Variants in CLTCL1 observed in about 807,000 individuals in gnomAD.
CLTCL1 encodes the protein clathrin heavy chain 2.
CLTCL1 carries 159 observed loss-of-function variants against 190.0 expected under a neutral mutation model. That is an observed-to-expected ratio of 0.84 (90% CI 0.74 to 0.95). The LOEUF is 0.95. Ranked by LOEUF, CLTCL1 falls within the 40% of genes least tolerant of loss-of-function variation. CLTCL1 has a pLI of 0.00. For missense variants in CLTCL1, 1,878 were observed against 2,033.4 expected (o/e 0.92, Z 1.47); for synonymous variants, 752 against 769.6 (o/e 0.98, Z 0.38).
chr22:19,230,102 T>TTTTTTTTTTTTTTTTTTTTTG lies in CLTCL1; in HGVS notation c.1645-128_1645-127insCAAAAAAAAAAAAAAAAAAAA. ...AGCAATTAGTTCCCTCCCTTGGTTT[T>TTTTTTTTTTTTTTTTTTTTTG]TTTTTTTTTTTTGAGATGGAGTCTC... is the stretch of plus-strand genomic sequence containing the variant. On this transcript the variant is annotated intron_variant, in intron 10 of 32. Coordinates refer to ENST00000427926, the MANE Select transcript of CLTCL1 (RefSeq NM_007098.4). 2 of 994,748 alleles carry TTTTTTTTTTTTTTTTTTTTTG rather than the reference T, an allele frequency of 2.0e-6. 1 individual carries two copies. The allele number at this position is 994,748 out of a possible 1,614,324, so 61.6% of individuals were successfully genotyped here.
intron 22 of CLTCL1, among the ~76,000 whole-genome samples, chr22:19,203,623 T>G (rs930340219): frequency 1.3e-5 from 2 of 151,982 alleles, no homozygotes; most frequent in Admixed American, 6.6e-5. Context: ...GGCTTTGGGG[T>G]GCTCTGGCTT....
At position 19,216,165 on chromosome 22, in the gene CLTCL1, A is replaced by G. The variant is rs1555949340; in HGVS notation, c.3011T>C (p.Leu1004Pro). The change falls in exon 19 of 33, where the codon CTG becomes CCG. Residue 1004 changes from leucine to proline, a missense_variant. Transcript: ENST00000427926. ...AFMTADLPNE[L>P]IELLEKIVLD... ...AACTATCTTCTCCAGCAGTTCAATC[A>G]GTTCATTAGGCAGGTCGGCTGTCAT... The G allele has an allele frequency of 6.2e-7, 1 of 1,613,988 alleles. No homozygotes were observed. The highest frequency in any genetic ancestry group is 1.1e-5 in the South Asian group (1 of 91,074).
At chr22:19,275,944 A>G in intron 1 of CLTCL1, 114 bp from the exon 2 acceptor site, 1 of 720,596 alleles carries the variant, frequency 1.4e-6, no homozygotes, top group Non-Finnish European at 2.1e-6. Flanking sequence ...AACATTAGGT[A>G]AACACTTGAA....
In CLTCL1 at chr22:19,180,024, C is replaced by T. The variant is rs1287813190; in HGVS notation, c.*21-55G>A. On this transcript the variant is annotated intron_variant, in intron 32 of 32. Transcript: ENST00000427926. ...AGCTCTTCCTGCCCATGGGGGTCCT[C>T]TCCTGGCTGCCCCTGAGTAGCCCGG... 9.7e-6 allele frequency: 6 copies of T among 618,032 alleles called. No homozygotes were observed. In the Admixed American group the frequency reaches 1.7e-4, roughly 18 times the overall value. The allele number at this position is 618,032 out of a possible 1,614,324, so 38.3% of individuals were successfully genotyped here. A position where few individuals can be genotyped will look rare whatever the true frequency, so the allele number is the denominator to read the frequency against.
intron 29 of CLTCL1, among the ~76,000 whole-genome samples, chr22:19,186,769 T>C (rs1207518565): frequency 6.6e-6 from 1 of 151,926 alleles, no homozygotes; most frequent in African/African-American, 2.4e-5. Context: ...CCCGGCTAAC[T>C]TTTGTATTTT....
At chr22:19,231,996 A>G (rs2085929970) in intron 10 of CLTCL1, among the ~76,000 whole-genome samples, 1 of 152,214 alleles carries the variant, frequency 6.6e-6, no homozygotes, top group African/African-American at 2.4e-5. Context: ...AATTTACTGA[A>G]AGTGACTTGT....
At chr22:19,254,374 T>A in intron 2 of CLTCL1, 147 bp from the exon 3 acceptor site, 1 of 697,708 alleles carries the variant, frequency 1.4e-6, no homozygotes. Context: ...GCTGCCAGAG[T>A]AGTAATTAAG....
At chr22:19,290,298 C>T (rs912483254) in intron 1 of CLTCL1, among the ~76,000 whole-genome samples, 1 of 152,210 alleles carries the variant, frequency 6.6e-6, no homozygotes, top group Non-Finnish European at 1.5e-5. Context: ...ATATTAACCT[C>T]AGTGACCCAT....
intron 15 of CLTCL1, 106 bp downstream of exon 15, chr22:19,222,578 T>C (rs1667876982): frequency 7.4e-7 from 1 of 1,356,568 alleles, no homozygotes; most frequent in Non-Finnish European, 1.0e-6. Context: ...CCCTTCAAAA[T>C]GATAGTCTCT....
Position 19,242,917 on chromosome 22 carries a change from GC to G in CLTCL1, c.538del (p.Ala180GlnfsTer15), listed in dbSNP as rs1555966219. The G allele has an allele frequency of 2.5e-6, 4 of 1,613,754 alleles. No homozygotes were observed. In the South Asian group the frequency reaches 4.4e-5, roughly 18 times the overall value. On this transcript the variant is annotated frameshift_variant, in exon 4 of 33. Transcript: ENST00000427926. LOFTEE classifies it high-confidence loss of function. ...CCTATCCACAGAGTAGAGCTGCATT[GC>G]TCCAACCACACGGTTTTGCTAAGAA... The part of the protein sequence containing the change: ...ISAQQNRVVG[A>X]MQLYSVDRKV...
At chr22:19,212,636 AAG>A (rs2085268919) in intron 19 of CLTCL1, among the ~76,000 whole-genome samples, 1 of 147,970 alleles carries the variant, frequency 6.8e-6, no homozygotes, top group Non-Finnish European at 1.5e-5. Context: ...GAAAGAAAGA[AAG>A]AGAAAGAAAA....
chr22:19,226,049 T>A (rs187685369), intron 12 of CLTCL1, among the ~76,000 whole-genome samples, 170 bp downstream of exon 12: 339 of 152,282 alleles, frequency 2.2e-3, no homozygotes, highest in Non-Finnish European at 3.7e-3. Context: ...CAGATAAACT[T>A]TGTGCGTGGG....
At chr22:19,206,293 C>G (rs1555942670) in intron 22 of CLTCL1, among the ~76,000 whole-genome samples, 2 of 152,138 alleles carry the variant, frequency 1.3e-5, no homozygotes, top group Admixed American at 1.3e-4. Context: ...GTGCCCCGAT[C>G]ACAGCTCACC....
chr22:19,231,759 A>G lies in CLTCL1; in HGVS notation c.1644+717T>C, dbSNP rs555504277. ...AGTATGAGAAGTTTATATTTTGAAC[A>G]ACTTTAAAATATGAACTGTAAACAA... On this transcript the variant is annotated intron_variant, in intron 10 of 32. Coordinates refer to ENST00000427926, the MANE Select transcript of CLTCL1 (RefSeq NM_007098.4). Among the ~76,000 whole-genome samples the G allele has an allele frequency of 3.9e-5, 6 of 152,350 alleles. No homozygotes were observed. In the South Asian group the frequency reaches 1.2e-3, roughly 32 times the overall value.
At chr22:19,224,097 C>T in intron 13 of CLTCL1, 43 bp from the exon 14 acceptor site, 1 of 1,604,102 alleles carries the variant, frequency 6.2e-7, no homozygotes, top group Non-Finnish European at 8.5e-7. Flanking sequence ...GTAACACCTG[C>T]CTGTCTCCTC....
intron 1 of CLTCL1, among the ~76,000 whole-genome samples, chr22:19,279,766 C>A (rs2087641728): frequency 6.6e-6 from 1 of 152,204 alleles, no homozygotes; most frequent in African/African-American, 2.4e-5. Flanking sequence ...GTTAGTTATT[C>A]ATATTTACTT....
rs546551207 is a variant in CLTCL1, at chr22:19,195,253, A to C, written c.4191+1013T>G. ...ATGACCTGGCCGCACTCCCTCCAGC[A>C]ACCTGCAGACTCTGCTCAGGGTGGG... On this transcript the variant is annotated intron_variant, in intron 26 of 32. Transcript: ENST00000427926. Among the ~76,000 whole-genome samples the C allele has an allele frequency of 4.6e-5, 7 of 152,272 alleles. No individual in the cohort carries two copies. In the South Asian group the frequency reaches 1.2e-3, roughly 27 times the overall value.
At chr22:19,230,062 C>T in intron 10 of CLTCL1, 87 bp from the exon 11 acceptor site, 11 of 1,184,746 alleles carry the variant, frequency 9.3e-6, no homozygotes, top group South Asian at 5.5e-5. Flanking sequence ...GAAATATTAT[C>T]TCATTTAGAA....
In CLTCL1 at chr22:19,221,513, T is replaced by C. The variant is rs372753333; in HGVS notation, c.2660A>G (p.Asn887Ser). 20 of 1,604,488 alleles carry C rather than the reference T, an allele frequency of 1.2e-5. No individual in the cohort carries two copies. The African/African-American group carries it at 2.7e-4, about 21-fold the overall frequency. ...TCTCAGGAAGCACTCGGGGCTGTTG[T>C]TGCTGTCGATGTAGATTTTAGCCAG... is the stretch of plus-strand genomic sequence containing the variant. ...NALAKIYIDS[N>S]NSPECFLREN... Residue 887 changes from asparagine (N) to serine (S), a missense_variant, in exon 17 of 33, where the codon AAC becomes AGC. Asn to Ser is a conservative substitution (Grantham distance 46). Transcript: ENST00000427926.
Sources: allele counts gnomAD v4.1 joint callset (sites outside exome capture counted in the v4.1 genomes callset), GRCh38; gene constraint gnomAD v4.1.1; transcripts MANE v1.5; gene names NCBI Gene and HGNC (gene_info 2026-07-23, HGNC 2026-07-21).